The following GNG2 variants were observed in gnomAD, a reference collection of about 807,000 sequenced individuals.
GNG2 encodes the protein G protein subunit gamma 2.
In GNG2, 5 loss-of-function variants were observed where a neutral mutation model predicts 5.5. The observed-to-expected ratio is 0.91, with a 90% CI of 0.48 to 1.92. GNG2 has a LOEUF of 1.92. GNG2 is among the 30% of genes most tolerant of loss of function. The pLI is 0.01. For missense variants in GNG2, 55 were observed against 88.4 expected (o/e 0.62, Z 1.52); for synonymous variants, 28 against 32.0 (o/e 0.88, Z 0.42).
chr14:51,947,783 T>C (rs1888724924), intron 2 of GNG2, among the ~76,000 whole-genome samples: 1 of 152,198 alleles, frequency 6.6e-6, no homozygotes, highest in South Asian at 2.1e-4. Flanking sequence ...CCAGGGAGCA[T>C]GAAAAGGCAT....
intron 2 of GNG2, among the ~76,000 whole-genome samples, chr14:51,941,283 G>A (rs1474525126): frequency 6.6e-6 from 1 of 152,128 alleles, no homozygotes; most frequent in African/African-American, 2.4e-5. Flanking sequence ...TTGGAACATC[G>A]TGAAATTAGT....
Position 51,941,134 on chromosome 14 carries a change from T to A in GNG2, c.-29-9516T>A, listed in dbSNP as rs545674584. Among the ~76,000 whole-genome samples, 48 of 152,260 alleles carry A rather than the reference T, an allele frequency of 3.2e-4. No individual in the cohort carries two copies. In the Middle Eastern group the frequency reaches 0.01, roughly 32 times the overall value. ...ATCAATTTGATGATGGATTACTTAC[T>A]TGCTGCAGAATAAATTAGAGTAAGG... On this transcript the variant is annotated intron_variant, in intron 2 of 3. Coordinates refer to ENST00000556766, the MANE Select transcript of GNG2 (RefSeq NM_053064.5).
chr14:51,850,634 A>T (rs1594835537), intron 2 of GNG2, among the ~76,000 whole-genome samples: 1 of 152,206 alleles, frequency 6.6e-6, no homozygotes, highest in South Asian at 2.1e-4. Context: ...GATAATTTAT[A>T]AAGAAAAGAG....
At chr14:51,893,701 ATTC>A (rs1236661044) in intron 2 of GNG2, among the ~76,000 whole-genome samples, 3 of 151,878 alleles carry the variant, frequency 2.0e-5, no homozygotes, top group African/African-American at 7.2e-5. Flanking sequence ...TATCCTCCTT[ATTC>A]TTCTTCTAAT....
intron 2 of GNG2, among the ~76,000 whole-genome samples, chr14:51,834,200 A>G (rs1418776560): frequency 6.6e-6 from 1 of 152,218 alleles, no homozygotes; most frequent in East Asian, 1.9e-4. Flanking sequence ...GAAGAGCTGG[A>G]ATTGTCTCAG....
chr14:51,906,753 A>ATG (rs1293592313), intron 2 of GNG2, among the ~76,000 whole-genome samples: 2 of 52,418 alleles, frequency 3.8e-5, no homozygotes, highest in Non-Finnish European at 7.9e-5. Flanking sequence ...CTGCTGGAGA[A>ATG]TCTCTTTTTT....
chr14:51,831,654 C>G (rs1215924065), intron 2 of GNG2, among the ~76,000 whole-genome samples: 1 of 152,038 alleles, frequency 6.6e-6, no homozygotes, highest in African/African-American at 2.4e-5. Flanking sequence ...GCACTTTTTC[C>G]TTCTCATCTC....
intron 2 of GNG2, among the ~76,000 whole-genome samples, chr14:51,946,980 C>T (rs145293290): frequency 7.9e-5 from 12 of 152,220 alleles, no homozygotes; most frequent in East Asian, 1.9e-4. Flanking sequence ...AAGTGGTGCT[C>T]GACTCTGCCT....
At chr14:51,910,957 T>G (rs1224986312) in intron 2 of GNG2, among the ~76,000 whole-genome samples, 1 of 152,240 alleles carries the variant, frequency 6.6e-6, no homozygotes, top group Non-Finnish European at 1.5e-5. Context: ...CCTACTTTCC[T>G]CCCGTTTGTC....
chr14:51,871,426 A>G (rs1883289257), intron 1 of GNG2, among the ~76,000 whole-genome samples: 1 of 152,054 alleles, frequency 6.6e-6, no homozygotes, highest in South Asian at 2.1e-4. Context: ...GATAACATGT[A>G]GGAGAGTGTA....
intron 2 of GNG2, among the ~76,000 whole-genome samples, chr14:51,832,769 C>A (rs1020235565): frequency 6.6e-6 from 1 of 152,184 alleles, no homozygotes; most frequent in South Asian, 2.1e-4. Flanking sequence ...ACCCTCATGA[C>A]CTCATGTAAA....
At chr14:51,834,416 G>A (rs1487985234) in intron 2 of GNG2, among the ~76,000 whole-genome samples, 1 of 152,208 alleles carries the variant, frequency 6.6e-6, no homozygotes, top group Admixed American at 6.5e-5. Context: ...ATGGAAATGA[G>A]GCCTTCCTTG....
chr14:51,882,309 C>A (rs894627327), intron 2 of GNG2, among the ~76,000 whole-genome samples: 5 of 152,146 alleles, frequency 3.3e-5, no homozygotes, highest in African/African-American at 1.2e-4. Context: ...GCCGATTGAA[C>A]TTCAAGAGGA....
chr14:51,836,914 G>A (rs112867192), intron 2 of GNG2, among the ~76,000 whole-genome samples: 259 of 145,618 alleles, frequency 1.8e-3, no homozygotes, highest in African/African-American at 6.2e-3. Context: ...CCAGAGTGCA[G>A]TGGCATGATC....
At chr14:51,885,228 C>G (rs555435293) in intron 2 of GNG2, among the ~76,000 whole-genome samples, 19 of 152,264 alleles carry the variant, frequency 1.2e-4, no homozygotes, top group African/African-American at 4.3e-4. Context: ...TTCACCCTGA[C>G]TATATCTGAA....
chr14:51,930,306 C>T (rs1283734317), intron 2 of GNG2, among the ~76,000 whole-genome samples: 1 of 152,206 alleles, frequency 6.6e-6, no homozygotes, highest in African/African-American at 2.4e-5. Flanking sequence ...TAACCAGCAG[C>T]CTGACTAATC....
chr14:51,924,996 A>G (rs921016694), intron 2 of GNG2, among the ~76,000 whole-genome samples: 2 of 152,204 alleles, frequency 1.3e-5, no homozygotes, highest in Non-Finnish European at 2.9e-5. Flanking sequence ...CTCTCATTTT[A>G]TAAAGGATTC....
chr14:51,943,779 A>T (rs1478808829), intron 2 of GNG2, among the ~76,000 whole-genome samples: 1 of 148,676 alleles, frequency 6.7e-6, no homozygotes, highest in Non-Finnish European at 1.5e-5. Flanking sequence ...ATTTTTAAAA[A>T]ATTACTGAAA....
chr14:51,887,432 T>G (rs969293574), intron 2 of GNG2, among the ~76,000 whole-genome samples: 6 of 152,238 alleles, frequency 3.9e-5, no homozygotes, highest in Non-Finnish European at 8.8e-5. Context: ...CTTGCCTTGA[T>G]CTAATCTAGA....
Sources: gnomAD v4.1 joint callset for allele counts (sites outside exome capture counted in the v4.1 genomes callset) on GRCh38, gnomAD v4.1.1 for gene constraint, MANE v1.5 for transcripts, NCBI Gene and HGNC (gene_info 2026-07-23, HGNC 2026-07-21) for gene names.